The following PDPR variants were observed in gnomAD, a reference collection of about 807,000 sequenced individuals.
PDPR encodes the protein pyruvate dehydrogenase phosphatase regulatory subunit, mitochondrial.
PDPR carries 50 observed loss-of-function variants against 102.2 expected under a neutral mutation model. The observed-to-expected ratio is 0.49, with a 90% CI of 0.39 to 0.62. The LOEUF is 0.62. PDPR is among the 20% of genes least tolerant of loss of function. The pLI, the probability that PDPR is intolerant of heterozygous loss-of-function variation, is 0.00. For missense variants in PDPR, 625 were observed against 1,098.2 expected, an observed-to-expected ratio of 0.57 and a Z score of 6.09; for synonymous variants, 259 against 406.0, an observed-to-expected ratio of 0.64 and a Z score of 4.35.
Position 70,156,580 on chromosome 16 carries a change from C to T in PDPR, c.2341C>T (p.Leu781Phe). Residue 781 changes from leucine (L) to phenylalanine (F), a missense_variant, in exon 19 of 19, where the codon CTT (leucine) becomes TTT (phenylalanine). Leu to Phe is a conservative substitution (Grantham distance 22, BLOSUM62 0). This residue lies in a region of PDPR where 303 missense variants were observed against 258.9 expected (regional missense o/e 1.17). Coordinates refer to ENST00000288050, the MANE Select transcript of PDPR (RefSeq NM_017990.5). ...GGACGACCATGATTCAGACCTAGAC[C>T]TTTGGCCTTGGTGGGGAGAGCCCAT... ...ILDDHDSDLD[L>F]WPWWGEPIYR... is the part of the protein sequence containing the mutation. The T allele has an allele frequency of 6.2e-7, 1 of 1,614,094 alleles. No individual in the cohort carries two copies. The highest frequency in any genetic ancestry group is 8.5e-7 in the Non-Finnish European group (1 of 1,179,914).
At chr16:70,127,946 C>T (rs560738341) in intron 4 of PDPR, among the ~76,000 whole-genome samples, 3 of 150,914 alleles carry the variant, frequency 2.0e-5, no homozygotes, top group Admixed American at 6.7e-5. Context: ...AGCAGCCTGG[C>T]GTGGCTGATG....
chr16:70,139,221 C>T (rs1448182086), intron 11 of PDPR, among the ~76,000 whole-genome samples, 198 bp downstream of exon 11: 2 of 152,366 alleles, frequency 1.3e-5, no homozygotes, highest in South Asian at 2.1e-4. Context: ...TTTAGTGCAT[C>T]GGACCTTGTT....
chr16:70,149,744 G>A (rs1472735668), intron 17 of PDPR, among the ~76,000 whole-genome samples: 1 of 152,268 alleles, frequency 6.6e-6, no homozygotes, highest in Admixed American at 6.5e-5. Flanking sequence ...AAGGTCTGCA[G>A]GCTGAGTTCA....
rs373942125 is a variant in PDPR at position 70,161,645 on chromosome 16, G to C, written c.*4766G>C. On this transcript the variant is annotated 3_prime_UTR_variant, in exon 19 of 19. Coordinates refer to ENST00000288050, the MANE Select transcript of PDPR (RefSeq NM_017990.5). ...GAGTTGTAAGGCTCCTCCATTGTCA[G>C]TACAGGGCTCGCCTTTGTAGCCCTG... 1 of 152,710 alleles carries C rather than the reference G, an allele frequency of 6.5e-6. No homozygotes were observed. The highest frequency in any genetic ancestry group is 2.4e-5 in the African/African-American group (1 of 41,482). The allele number at this position is 152,710 out of a possible 1,614,324, so 9.5% of individuals were successfully genotyped here.
At chr16:70,162,596 G>A (rs913257013), downstream of PDPR, 1 of 152,564 alleles carries the variant, frequency 6.6e-6, no homozygotes, top group African/African-American at 2.4e-5. Flanking sequence ...CCACCACAAA[G>A]CATAAACAGC....
At chr16:70,154,236 G>A (rs1441460167) in intron 18 of PDPR, among the ~76,000 whole-genome samples, 1 of 152,288 alleles carries the variant, frequency 6.6e-6, no homozygotes, top group Non-Finnish European at 1.5e-5. Context: ...GCTGAGGCAG[G>A]AGAATCACTT....
intron 18 of PDPR, chr16:70,156,238 A>G: frequency 1.8e-6 from 1 of 564,718 alleles, no homozygotes; most frequent in Admixed American, 3.3e-5. Flanking sequence ...ATGTTTATAA[A>G]ATAGGAAACA....
chr16:70,143,081 G>T (rs1264759811), intron 13 of PDPR, among the ~76,000 whole-genome samples: 1 of 152,234 alleles, frequency 6.6e-6, no homozygotes, highest in Non-Finnish European at 1.5e-5. Context: ...TGTAATCCCA[G>T]CTACTCGGGA....
At chr16:70,142,745 C>A in intron 13 of PDPR, 59 bp downstream of exon 13, 1 of 1,607,296 alleles carries the variant, frequency 6.2e-7, no homozygotes, top group Admixed American at 1.7e-5. Flanking sequence ...TTATTGAATG[C>A]CTTTTGTTTT....
rs570893147 is a variant in PDPR at position 70,140,925 on chromosome 16, T to G, written c.1316-1309T>G. Among the ~76,000 whole-genome samples the G allele has an allele frequency of 1.8e-4, 28 of 152,394 alleles. No individual in the cohort carries two copies. The East Asian group carries it at 5.0e-3, about 27-fold the overall frequency. On this transcript the variant is annotated intron_variant, in intron 11 of 18. Coordinates refer to ENST00000288050, the MANE Select transcript of PDPR (RefSeq NM_017990.5). ...ATGCAGAGAACCCCACCTGGCTTCC[T>G]TCTCCTGTCTCCCAACCTCCCCAAG...
intron 3 of PDPR, among the ~76,000 whole-genome samples, chr16:70,122,808 C>A (rs1225963102): frequency 3.3e-5 from 5 of 152,028 alleles, no homozygotes; most frequent in Non-Finnish European, 5.9e-5. Flanking sequence ...GAAGAGATTT[C>A]CTTCTCCCCC....
At chr16:70,116,233 C>G (rs1962622535) in intron 2 of PDPR, among the ~76,000 whole-genome samples, 2 of 141,842 alleles carry the variant, frequency 1.4e-5, no homozygotes, top group African/African-American at 5.2e-5. Flanking sequence ...CAAGCCACGA[C>G]ACCTGGCTAA....
intron 9 of PDPR, among the ~76,000 whole-genome samples, chr16:70,133,472 C>T (rs1443338283): frequency 2.1e-5 from 3 of 143,464 alleles, no homozygotes; most frequent in Middle Eastern, 4.0e-3. Context: ...GACTGGAGTG[C>T]AGTGGCACAA....
At chr16:70,150,491 G>C (rs533202472) in intron 17 of PDPR, among the ~76,000 whole-genome samples, 1 of 151,604 alleles carries the variant, frequency 6.6e-6, no homozygotes, top group African/African-American at 2.4e-5. Flanking sequence ...TTTTCTTCTT[G>C]ATGTTAGTCA....
intron 11 of PDPR, among the ~76,000 whole-genome samples, chr16:70,140,852 G>C (rs186627713): frequency 6.6e-6 from 1 of 152,162 alleles, no homozygotes; most frequent in African/African-American, 2.4e-5. Context: ...GAAAATGGGG[G>C]AGGGGATGAT....
intron 10 of PDPR, among the ~76,000 whole-genome samples, chr16:70,138,289 G>A (rs1245475780): frequency 6.8e-6 from 1 of 146,862 alleles, no homozygotes; most frequent in African/African-American, 2.6e-5. Flanking sequence ...CGTGATCTAG[G>A]CTTACTGCAA....
intron 3 of PDPR, among the ~76,000 whole-genome samples, chr16:70,122,613 A>C (rs1963442783): frequency 6.6e-6 from 1 of 152,280 alleles, no homozygotes; most frequent in Non-Finnish European, 1.5e-5. Context: ...GTAATGGGCC[A>C]GTGCCCTTTG....
rs1967433668 is a variant in PDPR at position 70,158,212 on chromosome 16, T to C, written c.*1333T>C. 1 of 152,496 alleles carries C rather than the reference T, an allele frequency of 6.6e-6. No homozygotes were observed. 9.4% of individuals were successfully genotyped at this position (152,496 alleles called of 1,614,324 possible). On this transcript the variant is annotated 3_prime_UTR_variant, in exon 19 of 19. Transcript: ENST00000288050. ...TGTCTCTGTTTTCCCAAGGTGAAACTTAGATATCATGGACTGTTGTCCAGC... is the reference window on the plus strand; with the variant it reads ...TGTCTCTGTTTTCCCAAGGTGAAACCTAGATATCATGGACTGTTGTCCAGC...
chr16:70,153,901 C>CG (rs1966862788), intron 18 of PDPR, among the ~76,000 whole-genome samples: 2 of 152,206 alleles, frequency 1.3e-5, no homozygotes, highest in African/African-American at 4.8e-5. Context: ...AAAAGTAGGC[C>CG]GGGCACGGTG....
Sources: allele counts gnomAD v4.1 joint callset (sites outside exome capture counted in the v4.1 genomes callset), GRCh38; gene constraint gnomAD v4.1.1; regional missense constraint gnomAD v4.1.1; transcripts MANE v1.5; gene names NCBI Gene and HGNC (gene_info 2026-07-23, HGNC 2026-07-21).